Variants in TLN2 observed in about 807,000 individuals in gnomAD.
TLN2 encodes the protein talin 2, also known as talin-2.
Under a neutral mutation model 294.7 loss-of-function variants are expected in TLN2, and 118 were observed. The observed-to-expected ratio is 0.40, with a 90% confidence interval of 0.34 to 0.47. TLN2 has a LOEUF of 0.47. Ranked by LOEUF, TLN2 falls within the 20% of genes least tolerant of loss-of-function variation. TLN2 has a pLI of 0.84. For missense variants in TLN2, 3,083 were observed against 3,282.2 expected, an observed-to-expected ratio of 0.94 and a Z score of 1.48; for synonymous variants, 1,431 against 1,304.5, an observed-to-expected ratio of 1.10 and a Z score of -2.09.
intron 3 of TLN2, among the ~76,000 whole-genome samples, chr15:62,641,280 T>C (rs1279799165): frequency 6.6e-6 from 1 of 152,060 alleles, no homozygotes; most frequent in Non-Finnish European, 1.5e-5. Context: ...GTATGCTGCT[T>C]CCATTGTTTG....
chr15:62,702,276 C>G, intron 18 of TLN2, 76 bp downstream of exon 18: 1 of 1,456,672 alleles, frequency 6.9e-7, no homozygotes, highest in African/African-American at 1.4e-5. Flanking sequence ...GGGGCTCTTG[C>G]TTCCCGAGCT....
At chr15:62,778,303 T>C (rs758824742) in intron 43 of TLN2, among the ~76,000 whole-genome samples, 2 of 152,144 alleles carry the variant, frequency 1.3e-5, no homozygotes, top group Non-Finnish European at 2.9e-5. Context: ...TGGCAGAAAA[T>C]GAGTGAAATT....
At chr15:62,714,781 G>T (rs2059662626) in intron 22 of TLN2, among the ~76,000 whole-genome samples, 1 of 152,148 alleles carries the variant, frequency 6.6e-6, no homozygotes, top group African/African-American at 2.4e-5. Context: ...TATATTTCAT[G>T]ATTAGTAACT....
intron 1 of TLN2, among the ~76,000 whole-genome samples, chr15:62,549,669 A>G (rs1231114978): frequency 6.6e-6 from 1 of 152,180 alleles, no homozygotes; most frequent in Non-Finnish European, 1.5e-5. Context: ...TACTGTATGT[A>G]GTGTGCTGTG....
rs1596391292 is a variant in TLN2, at chr15:62,627,974, T to C, written c.-37+9499T>C. Among the ~76,000 whole-genome samples, 6 of 152,310 alleles carry C rather than the reference T, an allele frequency of 3.9e-5. No homozygotes were observed. The South Asian group carries it at 8.3e-4, about 21-fold the overall frequency. On this transcript the variant is annotated intron_variant, in intron 3 of 58. Coordinates refer to ENST00000636159, the MANE Select transcript of TLN2 (RefSeq NM_015059.3). ...ATTATGCTATGAATTTCATTTTCAA[T>C]AGAGAAAATTACAAAAAGGGCAAAA...
intron 1 of TLN2, among the ~76,000 whole-genome samples, chr15:62,549,480 G>C (rs74517969): frequency 2.0e-4 from 30 of 147,864 alleles, no homozygotes; most frequent in South Asian, 6.7e-4. Flanking sequence ...TGCATGCCAT[G>C]CATCCATCCA....
chr15:62,727,344 C>T (rs544924917), intron 28 of TLN2, among the ~76,000 whole-genome samples, 155 bp downstream of exon 28: 197 of 152,294 alleles, frequency 1.3e-3, no homozygotes, highest in South Asian at 3.7e-3. Context: ...TGTTACCGGG[C>T]TTGATACTAA....
At position 62,702,045 on chromosome 15, in the gene TLN2, T is replaced by G. The variant is rs1251210660; in HGVS notation, c.1750T>G (p.Ser584Ala). ...TGTGGGATGTGCGATCACCACTATT[T>G]CTTCCAACCTGACGGAGATGTCCAA... Reference protein sequence around the residue: ...TAVGCAITTISSNLTEMSKGV... With the variant: ...TAVGCAITTIASNLTEMSKGV... Residue 584 changes from serine (S) to alanine (A), a missense_variant, in exon 18 of 59, where the codon TCT (serine) becomes GCT (alanine). Coordinates refer to ENST00000636159, the MANE Select transcript of TLN2 (RefSeq NM_015059.3). The G allele has an allele frequency of 6.2e-7, 1 of 1,614,110 alleles. No homozygotes were observed. The highest frequency in any genetic ancestry group is 1.3e-5 in the African/African-American group (1 of 74,946).
intron 2 of TLN2, among the ~76,000 whole-genome samples, chr15:62,591,417 G>T (rs1472007970): frequency 6.6e-6 from 1 of 152,138 alleles, no homozygotes; most frequent in East Asian, 1.9e-4. Context: ...TACATTGCCT[G>T]TTTCCAGAAA....
chr15:62,504,979 C>T (rs1431271983), intron 1 of TLN2, among the ~76,000 whole-genome samples: 2 of 151,788 alleles, frequency 1.3e-5, no homozygotes, highest in South Asian at 2.1e-4. Flanking sequence ...TGTTTTGAGA[C>T]GGAGTCTCAC....
intron 19 of TLN2, among the ~76,000 whole-genome samples, chr15:62,704,905 T>A (rs1368939772): frequency 3.9e-5 from 6 of 152,248 alleles, no homozygotes. Flanking sequence ...ATTCAGCTGC[T>A]GTTTTACTGG....
intron 9 of TLN2, among the ~76,000 whole-genome samples, chr15:62,661,754 C>T (rs553734311): frequency 6.6e-6 from 1 of 152,046 alleles, no homozygotes; most frequent in Non-Finnish European, 1.5e-5. Context: ...AGTTTAAATG[C>T]ATTGAAACTG....
chr15:62,499,163 A>G (rs1288661281), intron 1 of TLN2, among the ~76,000 whole-genome samples: 1 of 152,104 alleles, frequency 6.6e-6, no homozygotes, highest in African/African-American at 2.4e-5. Flanking sequence ...TATTTATTAC[A>G]AAACATTGAC....
At chr15:62,821,155 A>C (rs1255827991) in intron 54 of TLN2, among the ~76,000 whole-genome samples, 3 of 152,384 alleles carry the variant, frequency 2.0e-5, no homozygotes, top group African/African-American at 7.2e-5. Context: ...AGAAATAGCC[A>C]TTTAAAGGAA....
chr15:62,759,642 T>C (rs893669598), intron 37 of TLN2, among the ~76,000 whole-genome samples: 1 of 152,110 alleles, frequency 6.6e-6, no homozygotes, highest in African/African-American at 2.4e-5. Flanking sequence ...AGAGAAAAGC[T>C]TGGAGAGGTA....
chr15:62,543,610 T>G (rs1360511854), intron 1 of TLN2, among the ~76,000 whole-genome samples: 1 of 151,826 alleles, frequency 6.6e-6, no homozygotes, highest in Non-Finnish European at 1.5e-5. Flanking sequence ...CAAAAATTAG[T>G]TGGGCGTGGT....
At chr15:62,807,529 C>T (rs7177755) in intron 51 of TLN2, among the ~76,000 whole-genome samples, 94,102 of 152,076 alleles carry the variant, frequency 0.62, 31,591 homozygotes, top group East Asian at 0.76. Flanking sequence ...GCGTGACAGA[C>T]GCTTTTGTCC....
At chr15:62,825,817 A>ATAATATATTATATAATATAATATATAAT (rs1491542725) in intron 54 of TLN2, among the ~76,000 whole-genome samples, 6 of 22,254 alleles carry the variant, frequency 2.7e-4, no homozygotes, top group African/African-American at 1.2e-3. Flanking sequence ...ATTATATTAT[A>ATAATATATTATATAATATAATATATAAT]ATATATATTA....
At chr15:62,739,295 C>T in intron 30 of TLN2, 53 bp from the exon 31 acceptor site, 2 of 1,555,136 alleles carry the variant, frequency 1.3e-6, no homozygotes, top group Non-Finnish European at 8.7e-7. Context: ...TTCCTTTTAT[C>T]CCTCCCCTGC....
Sources: allele counts gnomAD v4.1 joint callset (sites outside exome capture counted in the v4.1 genomes callset), GRCh38; gene constraint gnomAD v4.1.1; transcripts MANE v1.5; gene names NCBI Gene and HGNC (gene_info 2026-07-23, HGNC 2026-07-21).